Variants in CSGALNACT2 observed in about 807,000 individuals in gnomAD.
CSGALNACT2 encodes beta 4 GalNAcT-2.
A neutral mutation model predicts 55.3 loss-of-function variants in CSGALNACT2; 35 were observed. The observed-to-expected ratio is 0.63, with a 90% CI of 0.48 to 0.84. The LOEUF (loss-of-function observed/expected upper bound fraction) is 0.84, where lower values mean the gene tolerates loss of function less well. Among genes scored for constraint, CSGALNACT2 ranks in the 40% least tolerant of loss-of-function variants. The pLI is 0.00. For missense variants in CSGALNACT2, 544 were observed against 657.5 expected, an observed-to-expected ratio of 0.83 and a Z score of 1.89; for synonymous variants, 196 against 224.9, an observed-to-expected ratio of 0.87 and a Z score of 1.15.
At chr10:43,139,208 C>T (rs1252124030) in intron 1 of CSGALNACT2, among the ~76,000 whole-genome samples, 1 of 152,150 alleles carries the variant, frequency 6.6e-6, no homozygotes, top group Non-Finnish European at 1.5e-5. Context: ...GACGTTTCAC[C>T]GTCATTCAAG....
chr10:43,162,493 G>A, intron 4 of CSGALNACT2: 1 of 985,412 alleles, frequency 1.0e-6, no homozygotes, highest in Non-Finnish European at 1.2e-6. Context: ...AGTATGTGGG[G>A]TGGCAATGGG....
intron 1 of CSGALNACT2, among the ~76,000 whole-genome samples, chr10:43,149,884 A>C (rs951282282): frequency 4.6e-5 from 7 of 152,192 alleles, no homozygotes; most frequent in African/African-American, 1.7e-4. Context: ...CCTGACCAAC[A>C]TGGAGAAACC....
Position 43,155,459 on chromosome 10 carries a change from GC to G in CSGALNACT2, c.311del (p.Ala104ValfsTer4). On this transcript the variant is annotated frameshift_variant, in exon 2 of 8. Transcript: ENST00000374466. LOFTEE classifies it high-confidence loss of function. ...RSLQERRNVG[A>X]NGIGYQSNKE... Reference sequence around the variant, plus strand: ...ACTGCAAGAAAGAAGGAATGTAGGGGCTAATGGCATAGGCTATCAGAGCAAC... The same window carrying G: ...ACTGCAAGAAAGAAGGAATGTAGGGGTAATGGCATAGGCTATCAGAGCAAC... 1 of 1,614,204 alleles carries G rather than the reference GC, an allele frequency of 6.2e-7. No homozygotes were observed. Among genetic ancestry groups the G allele is most frequent in the Non-Finnish European group, 8.5e-7 (1 of 1,180,034 alleles).
At position 43,172,291 on chromosome 10, in the gene CSGALNACT2, C is replaced by T. The variant is rs190521351; in HGVS notation, c.1255-3660C>T. Among the ~76,000 whole-genome samples the T allele has an allele frequency of 3.7e-3, 559 of 151,782 alleles. 1 individual carries two copies. Among genetic ancestry groups the T allele is most frequent in the Non-Finnish European group, 6.2e-3 (418 of 67,954 alleles). ...AAAATGTGAAAAATGTAAATACAGC[C>T]GTGTAAATGAAGAGGAAAATGTAAA... On this transcript the variant is annotated intron_variant, in intron 6 of 7. Transcript: ENST00000374466.
rs749633565 is a variant in CSGALNACT2 at position 43,163,925 on chromosome 10, G to A, written c.1040G>A (p.Arg347Gln). ...TTGAATGAAGAATTTAATCGTGGAC[G>A]AGGACTAAATGTGGGTGCCCGAGCT... ...VSLNEEFNRG[R>Q]GLNVGARAWD... Residue 347 changes from arginine (R) to glutamine (Q), a missense_variant, in exon 5 of 8, where the codon CGA (arginine) becomes CAA (glutamine). Arg to Gln is a conservative substitution (Grantham distance 43). Around this residue, in one of 2 missense-constraint regions of CSGALNACT2, gnomAD observed 170 missense variants for 256.2 expected, o/e 0.66. Transcript: ENST00000374466. The A allele has an allele frequency of 6.2e-6, 10 of 1,614,138 alleles. No individual in the cohort carries two copies. Among genetic ancestry groups the A allele is most frequent in the East Asian group, 4.5e-5 (2 of 44,882 alleles).
chr10:43,159,088 G>A (rs1839087928), intron 3 of CSGALNACT2, among the ~76,000 whole-genome samples, 157 bp downstream of exon 3: 1 of 151,974 alleles, frequency 6.6e-6, no homozygotes, highest in Non-Finnish European at 1.5e-5. Context: ...TTTTTTTAAA[G>A]CATGTGTAGT....
At chr10:43,169,279 CAATT>C (rs1039757747) in intron 6 of CSGALNACT2, among the ~76,000 whole-genome samples, 11 of 152,062 alleles carry the variant, frequency 7.2e-5, no homozygotes, top group African/African-American at 1.2e-4. Context: ...AAGTGAGTAG[CAATT>C]AACCAAGACT....
At chr10:43,180,542 A>G (rs1305840775) in intron 7 of CSGALNACT2, among the ~76,000 whole-genome samples, 2 of 152,146 alleles carry the variant, frequency 1.3e-5, no homozygotes, top group African/African-American at 2.4e-5. Context: ...AGTATTATAC[A>G]TAGTTGTTTT....
Position 43,163,896 on chromosome 10 carries a change from C to T in CSGALNACT2, c.1011C>T (p.Val337=), listed in dbSNP as rs1487845347. 6.2e-7 allele frequency: 1 copy of T among 1,613,940 alleles called. No individual in the cohort carries two copies. Among genetic ancestry groups the T allele is most frequent in the East Asian group, 2.2e-5 (1 of 44,896 alleles). ...SESNFHNYTL[V]SLNEEFNRGR... ...CTAATTTTCACAATTACACCTTGGT[C>T]TCATTGAATGAAGAATTTAATCGTG... is the stretch of plus-strand genomic sequence containing the variant. Residue 337 remains valine, a synonymous_variant, in exon 5 of 8, where the codon GTC becomes GTT. Coordinates refer to ENST00000374466, the MANE Select transcript of CSGALNACT2 (RefSeq NM_018590.5).
At chr10:43,149,732 T>C (rs1367672100) in intron 1 of CSGALNACT2, among the ~76,000 whole-genome samples, 1 of 152,042 alleles carries the variant, frequency 6.6e-6, no homozygotes, top group African/African-American at 2.4e-5. Flanking sequence ...TTTGGAAGAG[T>C]CTGTGAAGAT....
At position 43,164,462 on chromosome 10, in the gene CSGALNACT2, TG is replaced by T. The variant is rs530953159; in HGVS notation, c.1159+420del. 4.5e-4 allele frequency among the ~76,000 whole-genome samples: 69 copies of T among 152,360 alleles called. No individual in the cohort carries two copies. The East Asian group carries it at 0.012, about 26-fold the overall frequency. On this transcript the variant is annotated intron_variant, in intron 5 of 7. Transcript: ENST00000374466. ...ATGCATGTGTGCACACACACTCACA[TG>T]GAAGTCTAGATGCAGATAGTGCTTG...
intron 4 of CSGALNACT2, chr10:43,162,961 C>CA (rs1839185030): frequency 1.0e-6 from 1 of 985,220 alleles, no homozygotes; most frequent in African/African-American, 1.7e-5. Flanking sequence ...AGGTACTCTT[C>CA]ACTCTGACCC....
intron 7 of CSGALNACT2, among the ~76,000 whole-genome samples, chr10:43,180,755 G>A (rs1015078386): frequency 5.3e-5 from 8 of 152,128 alleles, no homozygotes; most frequent in African/African-American, 1.2e-4. Flanking sequence ...TGGAGGGAGC[G>A]GAAGTGTTCT....
At chr10:43,177,880 C>T (rs147911023) in intron 7 of CSGALNACT2, among the ~76,000 whole-genome samples, 48 of 152,290 alleles carry the variant, frequency 3.2e-4, no homozygotes, top group Middle Eastern at 3.4e-3. Flanking sequence ...ACATTCCCAC[C>T]AGCAGTGTTT....
chr10:43,165,489 A>G (rs1839245348), intron 5 of CSGALNACT2, among the ~76,000 whole-genome samples: 1 of 152,080 alleles, frequency 6.6e-6, no homozygotes, highest in African/African-American at 2.4e-5. Flanking sequence ...TTATTAGTCA[A>G]TTAGAAAAAC....
intron 4 of CSGALNACT2, 62 bp from the exon 5 acceptor site, chr10:43,163,804 A>C (rs1839201852): frequency 6.6e-7 from 1 of 1,518,538 alleles, no homozygotes; most frequent in Non-Finnish European, 8.9e-7. Flanking sequence ...AGCTGTGTTG[A>C]AGGAAGAAAA....
At chr10:43,142,319 C>T (rs571252437) in intron 1 of CSGALNACT2, among the ~76,000 whole-genome samples, 2 of 152,132 alleles carry the variant, frequency 1.3e-5, no homozygotes, top group Admixed American at 6.5e-5. Flanking sequence ...TCAAGTGATT[C>T]TCCTGCCTCG....
rs561917586 is a variant in CSGALNACT2, at chr10:43,159,049, A to G, written c.878+118A>G. On this transcript the variant is annotated intron_variant, in intron 3 of 7. Transcript: ENST00000374466. ...TACTTAGAATAATTTTACAGGCTTT[A>G]GGGGAACTTTATTTTTTTATATTCT... 24 of 632,704 alleles carry G rather than the reference A, an allele frequency of 3.8e-5. No homozygotes were observed. The Admixed American group carries it at 6.2e-4, about 16-fold the overall frequency. The allele number at this position is 632,704 out of a possible 1,614,324, so 39.2% of individuals were successfully genotyped here. A position where few individuals can be genotyped will look rare whatever the true frequency, so the allele number is the denominator to read the frequency against.
In CSGALNACT2 at chr10:43,175,956, CA is replaced by C; in HGVS notation, c.1265del (p.Lys422ArgfsTer13). The C allele has an allele frequency of 1.3e-6, 2 of 1,593,714 alleles. No homozygotes were observed. Reference protein sequence around the residue: ...PPPVEQQLVHKKDSGFWRDFG... With the variant: ...PPPVEQQLVHXKDSGFWRDFG... Reference sequence around the variant, plus strand: ...TTTTTTTTTTTTTAACTAAGGTTCACAAAAAGGATTCTGGCTTTTGGCGAGA... The same window carrying C: ...TTTTTTTTTTTTTAACTAAGGTTCACAAAAGGATTCTGGCTTTTGGCGAGA... On this transcript the variant is annotated frameshift_variant, in exon 7 of 8. Transcript: ENST00000374466. LOFTEE classifies it high-confidence loss of function.
Sources: allele counts gnomAD v4.1 joint callset (sites outside exome capture counted in the v4.1 genomes callset), GRCh38; gene constraint gnomAD v4.1.1; regional missense constraint gnomAD v4.1.1; transcripts MANE v1.5; gene names NCBI Gene and HGNC (gene_info 2026-07-23, HGNC 2026-07-21).